The following MAPK8IP3 variants were observed in gnomAD, a reference collection of about 807,000 sequenced individuals.
MAPK8IP3 encodes the protein mitogen-activated protein kinase 8 interacting protein 3, also known as C-Jun-amino-terminal kinase-interacting protein 3.
MAPK8IP3 carries 49 observed loss-of-function variants against 157.8 expected under a neutral mutation model. That is an observed-to-expected ratio of 0.31 (90% confidence interval 0.25 to 0.39). MAPK8IP3 has a LOEUF of 0.39. MAPK8IP3 is among the 10% of genes least tolerant of loss of function. MAPK8IP3 has a pLI of 1.00. For synonymous variants in MAPK8IP3, 897 were observed against 777.7 expected (o/e 1.15, Z -2.55); for missense variants, 1,478 against 1,889.4 (o/e 0.78, Z 4.04).
intron 1 of MAPK8IP3, among the ~76,000 whole-genome samples, chr16:1,714,722 TGTCCCTGCCTCGGGTTAGA>T (rs2038032228): frequency 6.6e-6 from 1 of 152,158 alleles, no homozygotes; most frequent in Non-Finnish European, 1.5e-5. Context: ...TGTGTCTCTA[TGTCCCTGCCTCGGGTTAGA>T]GCATTCATGT....
chr16:1,758,202 G>A, intron 9 of MAPK8IP3, 43 bp downstream of exon 9: 3 of 1,610,366 alleles, frequency 1.9e-6, no homozygotes, highest in East Asian at 4.5e-5. Context: ...CTGTGTGACG[G>A]GGGGAGTGGG....
Position 1,762,982 on chromosome 16 carries a change from G to A in MAPK8IP3, c.1874G>A (p.Arg625Gln), listed in dbSNP as rs374318839. 4.8e-5 allele frequency: 77 copies of A among 1,612,712 alleles called. No homozygotes were observed. The highest frequency in any genetic ancestry group is 5.6e-5 in the Non-Finnish European group (66 of 1,179,970). Residue 625 changes from arginine (R) to glutamine (Q), a missense_variant, in exon 16 of 32, where the codon CGG becomes CAG. Physicochemically the swap from Arg to Gln is conservative, Grantham distance 43. Around this residue, in one of 11 missense-constraint regions of MAPK8IP3, gnomAD observed 669 missense variants for 759.8 expected, o/e 0.88. Coordinates refer to ENST00000610761, the MANE Select transcript of MAPK8IP3 (RefSeq NM_001318852.2). ...HAMCPISAGS[R>Q]PLEFFPDDDC... is the part of the protein sequence containing the mutation. ...ATGTGCCCGATCTCGGCAGGCAGCC[G>A]GCCCCTGGAATTCTTCCCTGACGAG...
chr16:1,766,563 C>CGGCCAG lies in MAPK8IP3; in HGVS notation c.2855_2860dup (p.Pro953_Glu954insGlyPro), dbSNP rs746063391. Reference sequence around the variant, plus strand: ...GCCAGAGCCTGACAGCAGCAGCACACGGCCAGAGCCAGAGCCCAGCGGGGA... The same window carrying CGGCCAG: ...GCCAGAGCCTGACAGCAGCAGCACACGGCCAGGGCCAGAGCCAGAGCCCAGCGGGGA... On this transcript the variant is annotated inframe_insertion, in exon 23 of 32. Transcript: ENST00000610761. The CGGCCAG allele has an allele frequency of 1.2e-6, 2 of 1,612,104 alleles. No homozygotes were observed. Among genetic ancestry groups the CGGCCAG allele is most frequent in the African/African-American group, 2.7e-5 (2 of 74,920 alleles).
At chr16:1,727,189 G>A (rs943464514) in intron 2 of MAPK8IP3, among the ~76,000 whole-genome samples, 36 of 149,146 alleles carry the variant, frequency 2.4e-4, no homozygotes, top group African/African-American at 8.2e-4. Context: ...TGCTGTGTGC[G>A]GCATCTGAGT....
intron 26 of MAPK8IP3, 83 bp downstream of exon 26, chr16:1,767,380 C>T (rs539845161): frequency 4.4e-6 from 7 of 1,573,244 alleles, no homozygotes; most frequent in African/African-American, 2.7e-5. Flanking sequence ...CGGAAGTCCA[C>T]GAGGCCCTAC....
chr16:1,729,576 G>C lies in MAPK8IP3; in HGVS notation c.600G>C (p.Arg200=). Residue 200 remains arginine, a splice_region_variant and synonymous_variant, in exon 4 of 32, where the codon CGG becomes CGC. Transcript: ENST00000610761. ...AGACCGAGAGCAGCCTGCCGGGGCG[G>C]AGGTACGCGGGGCGCGGCGGGGTGG... ...NSQTESSLPG[R]SRKERPTSLN... is the part of the protein sequence containing the mutation. 6.3e-7 allele frequency: 1 copy of C among 1,592,908 alleles called. No homozygotes were observed. Among genetic ancestry groups the C allele is most frequent in the Non-Finnish European group, 8.6e-7 (1 of 1,167,276 alleles).
At chr16:1,745,805 C>T (rs2040927840) in intron 5 of MAPK8IP3, 3 of 152,280 alleles carry the variant, frequency 2.0e-5, no homozygotes, top group Admixed American at 2.0e-4. Flanking sequence ...AACTTAGGAG[C>T]CTGGTAGATG....
intron 4 of MAPK8IP3, among the ~76,000 whole-genome samples, chr16:1,736,729 TGTGAGC>T (rs1382669399): frequency 4.3e-5 from 3 of 70,468 alleles, no homozygotes; most frequent in Non-Finnish European, 7.8e-5. Flanking sequence ...TGACCGTCCG[TGTGAGC>T]GTGTGACCAT....
At position 1,748,590 on chromosome 16, in the gene MAPK8IP3, G is replaced by GGGA. The variant is rs2041110600; in HGVS notation, c.1098-11_1098-10insGAG. On this transcript the variant is annotated splice_polypyrimidine_tract_variant and intron_variant, in intron 7 of 31. Coordinates refer to ENST00000610761, the MANE Select transcript of MAPK8IP3 (RefSeq NM_001318852.2). ...GACTCTGCTCTCTCTCCCGACCTGT[G>GGGA]GATCCCAACAGCCCAACCCAGGGCA... 1.9e-6 allele frequency: 3 copies of GGGA among 1,606,702 alleles called. No homozygotes were observed. In the Admixed American group the frequency reaches 5.0e-5, roughly 27 times the overall value.
chr16:1,734,491 C>T (rs2039530848), intron 4 of MAPK8IP3, among the ~76,000 whole-genome samples: 1 of 152,254 alleles, frequency 6.6e-6, no homozygotes, highest in Admixed American at 6.5e-5. Context: ...TGTCTGCCAC[C>T]TGCCTGCAGG....
intron 4 of MAPK8IP3, among the ~76,000 whole-genome samples, chr16:1,734,335 G>A (rs2039518516): frequency 6.6e-6 from 1 of 152,244 alleles, no homozygotes; most frequent in Non-Finnish European, 1.5e-5. Context: ...CTGGCCGGCG[G>A]TGGTACTGAG....
At chr16:1,725,627 A>T (rs1187568565) in intron 2 of MAPK8IP3, among the ~76,000 whole-genome samples, 1 of 148,722 alleles carries the variant, frequency 6.7e-6, no homozygotes, top group Non-Finnish European at 1.5e-5. Context: ...ACTCCATCTC[A>T]AAAAAAAAAG....
chr16:1,764,553 G>A (rs1436954091), intron 19 of MAPK8IP3, 94 bp downstream of exon 19: 10 of 1,491,568 alleles, frequency 6.7e-6, no homozygotes, highest in Non-Finnish European at 7.2e-6. Context: ...CAGGACAGCT[G>A]GGGACAGCAC....
intron 8 of MAPK8IP3, among the ~76,000 whole-genome samples, chr16:1,757,306 G>A (rs1021384416): frequency 2.0e-5 from 3 of 152,078 alleles, no homozygotes; most frequent in Non-Finnish European, 4.4e-5. Context: ...GGGTTTCACC[G>A]CATTAGCCAG....
At chr16:1,766,456 T>G (rs2042266133) in intron 22 of MAPK8IP3, 47 bp downstream of exon 22, 2 of 1,602,430 alleles carry the variant, frequency 1.2e-6, no homozygotes, top group East Asian at 4.5e-5. Context: ...CTTGCAGAGG[T>G]GGGAAGGGCC....
chr16:1,733,494 G>A (rs899232588), intron 4 of MAPK8IP3, among the ~76,000 whole-genome samples: 3 of 152,230 alleles, frequency 2.0e-5, no homozygotes, highest in African/African-American at 4.8e-5. Flanking sequence ...TGGAAGAGGC[G>A]CGTGGCTGCG....
chr16:1,738,747 G>C (rs1371940962), intron 4 of MAPK8IP3, among the ~76,000 whole-genome samples: 2 of 140,592 alleles, frequency 1.4e-5, no homozygotes, highest in Non-Finnish European at 3.0e-5. Flanking sequence ...GTGAGCATCT[G>C]TGACCGTCCG....
intron 5 of MAPK8IP3, chr16:1,744,434 G>A: frequency 1.0e-6 from 1 of 985,924 alleles, no homozygotes; most frequent in Non-Finnish European, 1.2e-6. Context: ...TGCTCCGTCA[G>A]CCCACCTGCT....
intron 8 of MAPK8IP3, among the ~76,000 whole-genome samples, chr16:1,756,585 C>G (rs933401593): frequency 6.6e-6 from 1 of 151,326 alleles, no homozygotes; most frequent in African/African-American, 2.4e-5. Flanking sequence ...GAGTTGAAGA[C>G]CAGCCTGGGC....
Sources: allele counts gnomAD v4.1 joint callset (sites outside exome capture counted in the v4.1 genomes callset), GRCh38; gene constraint gnomAD v4.1.1; regional missense constraint gnomAD v4.1.1; transcripts MANE v1.5; gene names NCBI Gene and HGNC (gene_info 2026-07-23, HGNC 2026-07-21).